DRICH1: variants seen among roughly 807,000 people sequenced by gnomAD.
DRICH1 encodes the protein aspartate rich 1.
A neutral mutation model predicts 39.5 loss-of-function variants in DRICH1; 38 were observed. The observed-to-expected ratio is 0.96, with a 90% CI of 0.74 to 1.26. The LOEUF is 1.26. DRICH1 is among the 50% of genes most tolerant of loss of function. The probability of loss-of-function intolerance (pLI) is 0.00; values close to 1 mark genes in which losing one functional copy is unlikely to be tolerated. For synonymous variants in DRICH1, 84 were observed against 99.5 expected (o/e 0.84, Z 0.93); for missense variants, 279 against 270.4 (o/e 1.03, Z -0.22).
At position 23,626,129 on chromosome 22, in the gene DRICH1, C is replaced by T. The variant is rs150624125; in HGVS notation, c.209-81G>A. The T allele has an allele frequency of 2.1e-4, 200 of 940,186 alleles. No homozygotes were observed. In the East Asian group the frequency reaches 4.5e-3, roughly 21 times the overall value. The allele number at this position is 940,186 out of a possible 1,614,324, so 58.2% of individuals were successfully genotyped here. Reference sequence around the variant, plus strand: ...TCAGGGAGCTTTGCTGGATGCGGCACATGGAGCGTGGGACTGAAGGTTCGG... The same window carrying T: ...TCAGGGAGCTTTGCTGGATGCGGCATATGGAGCGTGGGACTGAAGGTTCGG... On this transcript the variant is annotated intron_variant, in intron 1 of 11. Transcript: ENST00000317749.
chr22:23,606,375 T>G (rs1926732190), downstream of DRICH1, among the ~76,000 whole-genome samples: 1 of 152,158 alleles, frequency 6.6e-6, no homozygotes, highest in South Asian at 2.1e-4. Flanking sequence ...CTTCTCCCAG[T>G]ACCTGTACCC....
At chr22:23,617,260 A>G (rs1197064997) in intron 7 of DRICH1, among the ~76,000 whole-genome samples, 2 of 152,230 alleles carry the variant, frequency 1.3e-5, no homozygotes, top group Non-Finnish European at 2.9e-5. Flanking sequence ...GTTGTACATA[A>G]TGTGACTTGT....
chr22:23,613,407 G>T, intron 10 of DRICH1, 77 bp from the exon 11 acceptor site: 1 of 1,225,420 alleles, frequency 8.2e-7, no homozygotes, highest in Non-Finnish European at 1.2e-6. Flanking sequence ...TTTAGCTGAA[G>T]CTGAGTGATG....
intron 3 of DRICH1, among the ~76,000 whole-genome samples, chr22:23,623,422 G>GA (rs1018715164): frequency 6.6e-6 from 1 of 151,668 alleles, no homozygotes; most frequent in Non-Finnish European, 1.5e-5. Flanking sequence ...AAAAAGAAAA[G>GA]AAAAAAATAG....
intron 6 of DRICH1, 80 bp from the exon 7 acceptor site, chr22:23,617,737 A>G (rs2123775317): frequency 1.5e-6 from 2 of 1,363,444 alleles, no homozygotes; most frequent in Middle Eastern, 1.8e-4. Context: ...TGGATGTGGT[A>G]TATGGAGGTG....
chr22:23,608,991 C>T (rs890456778), intron 11 of DRICH1, among the ~76,000 whole-genome samples: 2 of 152,192 alleles, frequency 1.3e-5, no homozygotes, highest in East Asian at 1.9e-4. Flanking sequence ...ACCTAGAAGT[C>T]CTGAGCCCCA....
At position 23,631,802 on chromosome 22, in the gene DRICH1, C is replaced by G. The variant is rs575986516; in HGVS notation, c.208+14G>C. ...GGTGTGCCAGAGGGTAAACGGCACC[C>G]GTGGCTTTTTTACCTGTGGGCATCT... On this transcript the variant is annotated intron_variant, in intron 1 of 11. Coordinates refer to ENST00000317749, the MANE Select transcript of DRICH1 (RefSeq NM_016449.4). 6.2e-7 allele frequency: 1 copy of G among 1,609,256 alleles called. No homozygotes were observed. The highest frequency in any genetic ancestry group is 8.5e-7 in the Non-Finnish European group (1 of 1,177,932).
intron 1 of DRICH1, among the ~76,000 whole-genome samples, chr22:23,627,504 T>G (rs1569096669): frequency 6.6e-6 from 1 of 152,200 alleles, no homozygotes; most frequent in African/African-American, 2.4e-5. Context: ...GGTGTTTTCT[T>G]GCAAAATAGT....
the DRICH1 span, among the ~76,000 whole-genome samples, chr22:23,582,720 A>AT: frequency 4.6e-5 from 7 of 151,856 alleles, no homozygotes; most frequent in Admixed American, 3.9e-4. Flanking sequence ...GCCCGCCATC[A>AT]TGCTAAATTT....
At chr22:23,616,209 A>G (rs549234556) in intron 8 of DRICH1, among the ~76,000 whole-genome samples, 10 of 152,228 alleles carry the variant, frequency 6.6e-5, no homozygotes, top group Non-Finnish European at 1.3e-4. Flanking sequence ...TCCAGAATTA[A>G]GTAACTGCCT....
chr22:23,586,205 G>T, the DRICH1 span, among the ~76,000 whole-genome samples: 1 of 152,326 alleles, frequency 6.6e-6, no homozygotes, highest in East Asian at 1.9e-4. Context: ...ATTTAAAACT[G>T]CTAGTCCGGC....
chr22:23,616,819 T>A (rs1392675936), intron 8 of DRICH1, 34 bp downstream of exon 8: 1 of 1,613,494 alleles, frequency 6.2e-7, no homozygotes. Context: ...AGCAAGTTTG[T>A]TTCTCAGAAA....
At chr22:23,600,648 C>T in the DRICH1 span, among the ~76,000 whole-genome samples, 9 of 151,778 alleles carry the variant, frequency 5.9e-5, no homozygotes, top group African/African-American at 1.9e-4. Context: ...CTAGCCTCCC[C>T]TCTAAAAACG....
the DRICH1 span, among the ~76,000 whole-genome samples, chr22:23,587,403 G>T: frequency 2.0e-5 from 3 of 152,296 alleles, no homozygotes; most frequent in East Asian, 3.9e-4. Context: ...CTTTCCCCCA[G>T]TTGGCTGGAT....
At chr22:23,609,255 G>A (rs944707612) in intron 11 of DRICH1, among the ~76,000 whole-genome samples, 5 of 152,230 alleles carry the variant, frequency 3.3e-5, no homozygotes, top group African/African-American at 9.6e-5. Flanking sequence ...CTGTTTATCT[G>A]TGGAGTCTGG....
the DRICH1 span, among the ~76,000 whole-genome samples, chr22:23,596,041 C>T: frequency 3.9e-5 from 6 of 152,360 alleles, no homozygotes; most frequent in South Asian, 1.2e-3. Flanking sequence ...CTCAGGGGCA[C>T]TTCTGCTCTC....
rs757708249 is a variant in DRICH1, at chr22:23,624,892, G to A, written c.289C>T (p.Pro97Ser). ...AGTTCAAGGTACGTACCCTGGACAG[G>A]TGATGGTAAAATCTGCAATGAGACA... ...DNDDAKILPS[P>S]VQGSSEDNLS... is the part of the protein sequence containing the mutation. Residue 97 changes from proline (P) to serine (S), a missense_variant, in exon 3 of 12, where the codon CCT becomes TCT. Pro to Ser is a moderately conservative substitution (Grantham distance 74, BLOSUM62 -1). Transcript: ENST00000317749. The A allele has an allele frequency of 1.2e-6, 2 of 1,613,662 alleles. No individual in the cohort carries two copies. Among genetic ancestry groups the A allele is most frequent in the South Asian group, 2.2e-5 (2 of 91,076 alleles).
Position 23,632,309 on chromosome 22 carries a change from C to T in DRICH1, c.-286G>A, listed in dbSNP as rs143325651. The stretch of plus-strand genomic sequence containing the variant: ...GTTGGAGCTCCTCCTCCCTCCACTG[C>T]GAGCTACTGACTGAGGGCTGCTGGC... On this transcript the variant is annotated 5_prime_UTR_variant, in exon 1 of 12. Transcript: ENST00000317749. 974 of 451,520 alleles carry T rather than the reference C, an allele frequency of 2.2e-3. 4 individuals are homozygous for T. Among genetic ancestry groups the T allele is most frequent in the African/African-American group, 0.015 (781 of 50,756 alleles). The allele number at this position is 451,520 out of a possible 1,614,324, so 28.0% of individuals were successfully genotyped here. A position where few individuals can be genotyped will look rare whatever the true frequency, so the allele number is the denominator to read the frequency against.
At chr22:23,606,682 G>A (rs534590514), downstream of DRICH1, among the ~76,000 whole-genome samples, 15 of 152,120 alleles carry the variant, frequency 9.9e-5, no homozygotes, top group African/African-American at 3.6e-4. Context: ...GTCTCCTGGT[G>A]TGCCTGGGCC....
Sources: gnomAD v4.1 joint callset for allele counts (sites outside exome capture counted in the v4.1 genomes callset) on GRCh38, gnomAD v4.1.1 for gene constraint, MANE v1.5 for transcripts, NCBI Gene and HGNC (gene_info 2026-07-23, HGNC 2026-07-21) for gene names.